CUL5: variants seen among roughly 807,000 people sequenced by gnomAD.
CUL5 encodes cullin-5.
CUL5 carries 26 observed loss-of-function variants against 108.8 expected under a neutral mutation model. The observed-to-expected ratio is 0.24, with a 90% confidence interval of 0.18 to 0.33. CUL5 has a LOEUF of 0.33. Ranked by LOEUF, CUL5 falls within the 10% of genes least tolerant of loss-of-function variation. The pLI is 1.00. For missense variants in CUL5, 524 were observed against 909.2 expected (o/e 0.58, Z 5.45); for synonymous variants, 334 against 298.0 (o/e 1.12, Z -1.25).
intron 1 of CUL5, among the ~76,000 whole-genome samples, chr11:108,022,861 CA>C (rs1862359701): frequency 6.6e-6 from 1 of 152,128 alleles, no homozygotes; most frequent in Non-Finnish European, 1.5e-5. Flanking sequence ...AAAAAAAAGT[CA>C]ATTATAAAAT....
At chr11:108,059,042 C>T (rs575029662) in intron 7 of CUL5, among the ~76,000 whole-genome samples, 1 of 152,120 alleles carries the variant, frequency 6.6e-6, no homozygotes, top group African/African-American at 2.4e-5. Flanking sequence ...CGCTATGTTG[C>T]CCAGGCTGGA....
rs982087462 is a variant in CUL5, at chr11:108,023,095, T to C, written c.25-10707T>C. 3.9e-5 allele frequency among the ~76,000 whole-genome samples: 6 copies of C among 151,906 alleles called. No homozygotes were observed. In the South Asian group the frequency reaches 8.4e-4, roughly 21 times the overall value. ...GAAACCCCACCTCTACTAAAAAAAA[T>C]AGCCGGGCATGGTGGCACATGCCTG... On this transcript the variant is annotated intron_variant, in intron 1 of 18. Coordinates refer to ENST00000393094, the MANE Select transcript of CUL5 (RefSeq NM_003478.6).
At chr11:108,019,625 G>A (rs952510743) in intron 1 of CUL5, among the ~76,000 whole-genome samples, 5 of 152,226 alleles carry the variant, frequency 3.3e-5, no homozygotes, top group East Asian at 1.9e-4. Flanking sequence ...TGTCTGTGGC[G>A]ATGCTGGTGT....
chr11:108,051,085 G>A, intron 4 of CUL5, among the ~76,000 whole-genome samples: 1 of 152,128 alleles, frequency 6.6e-6, no homozygotes, highest in East Asian at 1.9e-4. Flanking sequence ...AGTGTAACCT[G>A]GGCATTGTTG....
At chr11:108,045,538 T>C (rs971429428) in intron 2 of CUL5, among the ~76,000 whole-genome samples, 1 of 152,074 alleles carries the variant, frequency 6.6e-6, no homozygotes, top group Non-Finnish European at 1.5e-5. Context: ...TGAGCTATGG[T>C]TGTGGCACTG....
intron 13 of CUL5, among the ~76,000 whole-genome samples, chr11:108,094,183 C>T (rs1864429610): frequency 6.6e-6 from 1 of 152,148 alleles, no homozygotes; most frequent in Non-Finnish European, 1.5e-5. Flanking sequence ...TTCATACATA[C>T]TAAAAATGCG....
At chr11:108,062,748 T>C (rs147884125) in intron 7 of CUL5, among the ~76,000 whole-genome samples, 2,392 of 152,184 alleles carry the variant, frequency 0.016, 62 homozygotes, top group African/African-American at 0.055. Context: ...TTATATTCTT[T>C]TATTATTTTT....
chr11:108,042,996 C>T (rs904614923), intron 2 of CUL5, among the ~76,000 whole-genome samples: 1 of 152,194 alleles, frequency 6.6e-6, no homozygotes, highest in Non-Finnish European at 1.5e-5. Flanking sequence ...CTCCTGGCCT[C>T]AAGTGATGTG....
chr11:108,093,364 G>C (rs926388816), intron 13 of CUL5, among the ~76,000 whole-genome samples: 1 of 151,960 alleles, frequency 6.6e-6, no homozygotes, highest in Non-Finnish European at 1.5e-5. Context: ...CTTCTTCTAG[G>C]GTATCTTATC....
chr11:108,074,979 T>G (rs548425029), intron 10 of CUL5, among the ~76,000 whole-genome samples: 1 of 152,180 alleles, frequency 6.6e-6, no homozygotes, highest in Admixed American at 6.6e-5. Flanking sequence ...TAGTTTTTAC[T>G]GTGAGTAGGA....
intron 2 of CUL5, among the ~76,000 whole-genome samples, chr11:108,037,705 T>C: frequency 6.6e-6 from 1 of 152,210 alleles, no homozygotes; most frequent in East Asian, 1.9e-4. Flanking sequence ...GCTCGTCATG[T>C]AAGCAGCTTC....
At chr11:108,094,594 T>G in intron 14 of CUL5, 80 bp downstream of exon 14, 1 of 926,906 alleles carries the variant, frequency 1.1e-6, no homozygotes, top group Non-Finnish European at 1.6e-6. Flanking sequence ...AAAATAAACC[T>G]CAGCAGTAAT....
At chr11:108,071,008 T>C (rs2135181711) in intron 8 of CUL5, among the ~76,000 whole-genome samples, 1 of 152,340 alleles carries the variant, frequency 6.6e-6, no homozygotes, top group South Asian at 2.1e-4. Flanking sequence ...ATTTATTTAG[T>C]GGTAATCAGT....
chr11:108,091,431 C>G (rs1182344334), intron 13 of CUL5, among the ~76,000 whole-genome samples: 1 of 151,920 alleles, frequency 6.6e-6, no homozygotes, highest in Non-Finnish European at 1.5e-5. Context: ...TGGCTCACAC[C>G]TGTAATCCCA....
chr11:108,078,563 AAAG>A (rs567751194), intron 11 of CUL5, among the ~76,000 whole-genome samples: 10 of 152,178 alleles, frequency 6.6e-5, no homozygotes, highest in Admixed American at 2.0e-4. Flanking sequence ...AATGTTATAA[AAAG>A]AACTCAGTTT....
At chr11:108,062,801 T>C (rs1189296232) in intron 7 of CUL5, among the ~76,000 whole-genome samples, 1 of 152,112 alleles carries the variant, frequency 6.6e-6, no homozygotes, top group African/African-American at 2.4e-5. Context: ...CACCCTGTTA[T>C]GTTATCAAAT....
chr11:108,039,724 G>A (rs1165794063), intron 2 of CUL5, among the ~76,000 whole-genome samples: 6 of 152,076 alleles, frequency 3.9e-5, no homozygotes, highest in African/African-American at 1.2e-4. Flanking sequence ...AGTATTTGTC[G>A]TTTGGAAAGA....
At chr11:108,084,643 A>G (rs1283431873) in intron 11 of CUL5, among the ~76,000 whole-genome samples, 1 of 152,208 alleles carries the variant, frequency 6.6e-6, no homozygotes, top group South Asian at 2.1e-4. Context: ...TCCTATGAAG[A>G]CAGATAAATT....
intron 1 of CUL5, among the ~76,000 whole-genome samples, chr11:108,026,089 GCCTTA>G (rs1480369274): frequency 6.6e-6 from 1 of 152,004 alleles, no homozygotes; most frequent in Admixed American, 6.6e-5. Flanking sequence ...CATTTTCTCC[GCCTTA>G]CCCAACATAA....
Sources: allele counts gnomAD v4.1 joint callset (sites outside exome capture counted in the v4.1 genomes callset), GRCh38; gene constraint gnomAD v4.1.1; transcripts MANE v1.5; gene names NCBI Gene and HGNC (gene_info 2026-07-23, HGNC 2026-07-21).